Variants in MOB3B observed in about 807,000 individuals in gnomAD.
The protein encoded by MOB3B is MOB kinase activator-like 2B.
MOB3B carries 7 observed loss-of-function variants against 18.7 expected under a neutral mutation model. The ratio of observed to expected loss-of-function variants is 0.37; its 90% CI spans 0.21 to 0.70. The LOEUF is 0.70. Among genes scored for constraint, MOB3B ranks in the 30% least tolerant of loss-of-function variants. The pLI, the probability that MOB3B is intolerant of heterozygous loss-of-function variation, is 0.52. For missense variants in MOB3B, 253 were observed against 281.3 expected (o/e 0.90, Z 0.72); for synonymous variants, 111 against 99.9 (o/e 1.11, Z -0.66).
chr9:27,405,093 C>CTTTTTTTTTTTTTTTTTTTTT lies in MOB3B; in HGVS notation c.419-45878_419-45858dup, dbSNP rs74178386. ...AGAAATATCTATTCAGAACCTTTGT[C>CTTTTTTTTTTTTTTTTTTTTT]TTTTTTTTTTTTTTTTTTTTTTTTT... On this transcript the variant is annotated intron_variant, in intron 2 of 3. Transcript: ENST00000262244. 4.1e-5 allele frequency among the ~76,000 whole-genome samples: 2 copies of CTTTTTTTTTTTTTTTTTTTTT among 48,370 alleles called. 1 individual carries two copies. Among genetic ancestry groups the CTTTTTTTTTTTTTTTTTTTTT allele is most frequent in the Non-Finnish European group, 7.0e-5 (2 of 28,718 alleles). 31.7% of individuals were successfully genotyped at this position (48,370 alleles called of 152,430 possible).
chr9:27,455,023 G>T, intron 2 of MOB3B, 110 bp downstream of exon 2: 1 of 1,164,200 alleles, frequency 8.6e-7, no homozygotes, highest in Non-Finnish European at 1.3e-6. Flanking sequence ...AGGTATGTGA[G>T]TGATGGGATT....
chr9:27,461,603 C>T (rs966599993), intron 1 of MOB3B, among the ~76,000 whole-genome samples: 2 of 152,204 alleles, frequency 1.3e-5, no homozygotes, highest in Admixed American at 1.3e-4. Flanking sequence ...TAGGTGTAAC[C>T]GTACAGAAGT....
intron 3 of MOB3B, among the ~76,000 whole-genome samples, chr9:27,350,213 G>T (rs1008022653): frequency 1.0e-5 from 1 of 96,306 alleles, no homozygotes; most frequent in Admixed American, 1.2e-4. Flanking sequence ...AGAAAACTTA[G>T]AAAGCCCCAA....
intron 2 of MOB3B, among the ~76,000 whole-genome samples, chr9:27,454,680 C>T (rs1822842068): frequency 6.6e-6 from 1 of 152,226 alleles, no homozygotes; most frequent in African/African-American, 2.4e-5. Flanking sequence ...ATCTCTTTCT[C>T]CTCAGAATTT....
At chr9:27,388,221 T>A (rs921874371) in intron 2 of MOB3B, among the ~76,000 whole-genome samples, 3 of 152,212 alleles carry the variant, frequency 2.0e-5, no homozygotes, top group African/African-American at 4.8e-5. Flanking sequence ...ACCCAAGAGC[T>A]AATCTAGTTT....
chr9:27,358,889 T>G (rs1298201764), intron 3 of MOB3B, 145 bp downstream of exon 3: 3 of 857,334 alleles, frequency 3.5e-6, no homozygotes, highest in Non-Finnish European at 6.0e-6. Flanking sequence ...GGCTGTTAGT[T>G]GACCACTAAA....
At chr9:27,392,004 G>C (rs1821734525) in intron 2 of MOB3B, among the ~76,000 whole-genome samples, 1 of 152,118 alleles carries the variant, frequency 6.6e-6, no homozygotes, top group Admixed American at 6.6e-5. Context: ...ATGCAGAGGA[G>C]AGATAATTTC....
At chr9:27,476,424 A>G (rs1024418252) in intron 1 of MOB3B, among the ~76,000 whole-genome samples, 1 of 152,116 alleles carries the variant, frequency 6.6e-6, no homozygotes, top group African/African-American at 2.4e-5. Flanking sequence ...CTCTACCTTC[A>G]TCTTCACAAG....
intron 1 of MOB3B, among the ~76,000 whole-genome samples, chr9:27,497,045 T>C (rs1819913356): frequency 6.6e-6 from 1 of 152,328 alleles, no homozygotes; most frequent in African/African-American, 2.4e-5. Flanking sequence ...CTCCAGCAAG[T>C]GATTAGTCTT....
intron 2 of MOB3B, among the ~76,000 whole-genome samples, chr9:27,437,447 T>C (rs1822527041): frequency 1.3e-5 from 2 of 152,346 alleles, no homozygotes; most frequent in South Asian, 2.1e-4. Context: ...AACTTTCCTA[T>C]CTTTATTGGA....
chr9:27,326,635 G>T lies in MOB3B; in HGVS notation c.*3952C>A. On this transcript the variant is annotated 3_prime_UTR_variant, in exon 4 of 4. Transcript: ENST00000262244. ...CATGGTTTGAGAGATAGAAGGAATT[G>T]ATTAAGAAACCTCTCAAAGTTTCTT... 2.5e-6 allele frequency: 1 copy of T among 398,342 alleles called. No individual in the cohort carries two copies. The highest frequency in any genetic ancestry group is 1.3e-4 in the South Asian group (1 of 7,794). 24.7% of individuals were successfully genotyped at this position (398,342 alleles called of 1,614,324 possible). A position where few individuals can be genotyped will look rare whatever the true frequency, so the allele number is the denominator to read the frequency against.
chr9:27,511,776 T>C (rs1356919007), intron 1 of MOB3B, among the ~76,000 whole-genome samples: 2 of 152,220 alleles, frequency 1.3e-5, no homozygotes, highest in African/African-American at 4.8e-5. Context: ...ATTGGGCATC[T>C]ATAATGTGCC....
intron 3 of MOB3B, among the ~76,000 whole-genome samples, chr9:27,349,674 G>A (rs1184419728): frequency 1.3e-5 from 2 of 152,202 alleles, no homozygotes; most frequent in Non-Finnish European, 2.9e-5. Flanking sequence ...ACTATTTGGT[G>A]TCTCTGACCA....
chr9:27,344,652 G>C (rs1821005012), intron 3 of MOB3B, among the ~76,000 whole-genome samples: 1 of 151,006 alleles, frequency 6.6e-6, no homozygotes, highest in South Asian at 2.1e-4. Context: ...ATATGGGCAA[G>C]AGTGCCAACC....
intron 3 of MOB3B, among the ~76,000 whole-genome samples, chr9:27,355,265 T>C (rs7034311): frequency 0.55 from 83,000 of 151,768 alleles, 23,188 homozygotes; most frequent in African/African-American, 0.66. Context: ...AAAGATGAGG[T>C]GGTGGGGGGG....
chr9:27,464,735 C>T (rs890115619), intron 1 of MOB3B, among the ~76,000 whole-genome samples: 1 of 152,112 alleles, frequency 6.6e-6, no homozygotes, highest in African/African-American at 2.4e-5. Context: ...GCTGGGGAGG[C>T]CTCAGAATCA....
intron 1 of MOB3B, among the ~76,000 whole-genome samples, chr9:27,499,456 T>C (rs1819954462): frequency 6.6e-6 from 1 of 152,214 alleles, no homozygotes; most frequent in Non-Finnish European, 1.5e-5. Context: ...TTAAAACTCA[T>C]GGAAAGGAAA....
intron 1 of MOB3B, among the ~76,000 whole-genome samples, chr9:27,495,889 C>T (rs1241681034): frequency 6.6e-6 from 1 of 152,138 alleles, no homozygotes; most frequent in African/African-American, 2.4e-5. Flanking sequence ...AAGAAAGACC[C>T]AGAACTCCCT....
intron 2 of MOB3B, among the ~76,000 whole-genome samples, chr9:27,360,593 T>C (rs1442249561): frequency 6.6e-6 from 1 of 152,164 alleles, no homozygotes; most frequent in East Asian, 1.9e-4. Flanking sequence ...TCAGCAAAAT[T>C]GTAGAACTAT....
Sources: gnomAD v4.1 joint callset for allele counts (sites outside exome capture counted in the v4.1 genomes callset) on GRCh38, gnomAD v4.1.1 for gene constraint, MANE v1.5 for transcripts, NCBI Gene and HGNC (gene_info 2026-07-23, HGNC 2026-07-21) for gene names.